DYM: variants seen among roughly 807,000 people sequenced by gnomAD.
DYM encodes dyggve-Melchior-Clausen syndrome protein.
DYM carries 78 observed loss-of-function variants against 93.1 expected under a neutral mutation model. That is an observed-to-expected ratio of 0.84 (90% confidence interval 0.70 to 1.01). The LOEUF (loss-of-function observed/expected upper bound fraction) is 1.01. Ranked by LOEUF, DYM falls within the 50% of genes least tolerant of loss-of-function variation. The pLI, the probability that DYM is intolerant of heterozygous loss-of-function variation, is 0.00. For missense variants in DYM, 789 were observed against 845.0 expected, an observed-to-expected ratio of 0.93 and a Z score of 0.82; for synonymous variants, 321 against 319.7, an observed-to-expected ratio of 1.00 and a Z score of -0.04.
At chr18:49,371,218 G>T (rs150705288) in intron 5 of DYM, among the ~76,000 whole-genome samples, 1 of 152,148 alleles carries the variant, frequency 6.6e-6, no homozygotes, top group Admixed American at 6.5e-5. Flanking sequence ...GATCAAACAA[G>T]GCTAAGTGTG....
intron 2 of DYM, among the ~76,000 whole-genome samples, chr18:49,408,382 C>T (rs1029935176): frequency 5.9e-5 from 9 of 152,184 alleles, no homozygotes; most frequent in African/African-American, 1.7e-4. Context: ...AATGTCTTTA[C>T]ACATGTCTCT....
intron 15 of DYM, among the ~76,000 whole-genome samples, chr18:49,147,919 G>A (rs376571876): frequency 6.4e-4 from 97 of 152,204 alleles, no homozygotes; most frequent in African/African-American, 2.0e-3. Context: ...CACTATTCAC[G>A]ATAGCAAAGA....
intron 15 of DYM, among the ~76,000 whole-genome samples, chr18:49,138,990 G>A (rs151017826): frequency 2.4e-4 from 37 of 152,202 alleles, no homozygotes; most frequent in Admixed American, 4.6e-4. Context: ...CAATCTCTCC[G>A]AGAGTTAGAC....
intron 17 of DYM, among the ~76,000 whole-genome samples, chr18:49,087,266 A>G (rs902356176): frequency 2.0e-5 from 3 of 152,226 alleles, no homozygotes; most frequent in Non-Finnish European, 4.4e-5. Context: ...TTATTTTGCT[A>G]CCAAAAAAAT....
intron 13 of DYM, among the ~76,000 whole-genome samples, chr18:49,227,037 C>A (rs564275687): frequency 6.6e-6 from 1 of 152,242 alleles, no homozygotes; most frequent in African/African-American, 2.4e-5. Context: ...AGTCCACACC[C>A]ATCTGTCTGC....
chr18:49,046,295 A>ATG (rs1378189462), intron 17 of DYM, among the ~76,000 whole-genome samples: 1 of 138,252 alleles, frequency 7.2e-6, no homozygotes, highest in East Asian at 2.3e-4. Context: ...ACACCCAGAC[A>ATG]TGCGCGCGCA....
chr18:49,332,532 C>G (rs2063383926), intron 7 of DYM, among the ~76,000 whole-genome samples: 1 of 152,000 alleles, frequency 6.6e-6, no homozygotes, highest in Non-Finnish European at 1.5e-5. Flanking sequence ...TAGAAAAAAG[C>G]AAGAATTTAA....
At chr18:49,443,547 CTT>C (rs2081849263) in intron 1 of DYM, among the ~76,000 whole-genome samples, 1 of 152,120 alleles carries the variant, frequency 6.6e-6, no homozygotes, top group Admixed American at 6.6e-5. Context: ...TGTCAAAGTA[CTT>C]TATTATGTAA....
intron 14 of DYM, among the ~76,000 whole-genome samples, chr18:49,180,025 T>C (rs528736644): frequency 2.1e-4 from 32 of 152,248 alleles, no homozygotes; most frequent in African/African-American, 7.2e-4. Context: ...TTTACTTTTG[T>C]ATAATAGATG....
Position 49,114,532 on chromosome 18 carries a change from C to T in DYM, c.1911+4212G>A, listed in dbSNP as rs940006121. On this transcript the variant is annotated intron_variant, in intron 16 of 17. Transcript: ENST00000675505. ...CAGTGAGGTCCTTTCTACTTCCTCA[C>T]CTCCACTCTGCTTTTCACTTCTTCC... 9 of 984,326 alleles carry T rather than the reference C, an allele frequency of 9.1e-6. No homozygotes were observed. In the African/African-American group the frequency reaches 1.6e-4, roughly 17 times the overall value. The allele number at this position is 984,326 out of a possible 1,614,324, so 61.0% of individuals were successfully genotyped here. A position where few individuals can be genotyped will look rare whatever the true frequency, so the allele number is the denominator to read the frequency against.
At chr18:49,290,710 A>G (rs1043942556) in intron 8 of DYM, among the ~76,000 whole-genome samples, 13 of 152,080 alleles carry the variant, frequency 8.5e-5, no homozygotes, top group Non-Finnish European at 5.9e-5. Context: ...GCAAATACAC[A>G]TATCTATGCA....
intron 15 of DYM, among the ~76,000 whole-genome samples, chr18:49,140,454 G>C (rs906797633): frequency 6.6e-6 from 1 of 152,126 alleles, no homozygotes; most frequent in African/African-American, 2.4e-5. Flanking sequence ...CCAGTGTTAT[G>C]ATGAGGCCAT....
chr18:49,160,197 C>T (rs564748224), intron 15 of DYM, among the ~76,000 whole-genome samples: 1 of 152,152 alleles, frequency 6.6e-6, no homozygotes, highest in Non-Finnish European at 1.5e-5. Flanking sequence ...TCTCTCCCCC[C>T]ACAGGCTTGA....
chr18:49,239,789 TTAGC>T (rs2093968962), intron 13 of DYM, among the ~76,000 whole-genome samples: 1 of 152,206 alleles, frequency 6.6e-6, no homozygotes, highest in Non-Finnish European at 1.5e-5. Context: ...AGAGAATCAG[TTAGC>T]TAAGCAATCA....
At chr18:49,321,524 T>A in intron 8 of DYM, 1 of 394,128 alleles carries the variant, frequency 2.5e-6, no homozygotes, top group Non-Finnish European at 4.5e-6. Flanking sequence ...CCAATGAATA[T>A]CATTTTTAAA....
chr18:49,329,904 T>C (rs1175213209), intron 8 of DYM, among the ~76,000 whole-genome samples: 1 of 152,234 alleles, frequency 6.6e-6, no homozygotes, highest in African/African-American at 2.4e-5. Context: ...AAGCCAATAG[T>C]AAAGTAAGAG....
chr18:49,388,826 G>A (rs1416923723), intron 3 of DYM, among the ~76,000 whole-genome samples: 2 of 150,632 alleles, frequency 1.3e-5, no homozygotes, highest in Admixed American at 6.6e-5. Context: ...TTTAAAGTAC[G>A]GAAAATAAAT....
intron 14 of DYM, among the ~76,000 whole-genome samples, chr18:49,168,021 TA>T (rs2088134829): frequency 6.6e-6 from 1 of 151,816 alleles, no homozygotes. Flanking sequence ...AGTAAAAAAA[TA>T]AGCAGGAATC....
intron 15 of DYM, among the ~76,000 whole-genome samples, chr18:49,141,274 T>G (rs1020604583): frequency 5.3e-5 from 8 of 152,216 alleles, no homozygotes; most frequent in African/African-American, 1.9e-4. Flanking sequence ...CCTCAACACT[T>G]AGCCCTTTAA....
Sources: gnomAD v4.1 joint callset for allele counts (sites outside exome capture counted in the v4.1 genomes callset) on GRCh38, gnomAD v4.1.1 for gene constraint, MANE v1.5 for transcripts, NCBI Gene and HGNC (gene_info 2026-07-23, HGNC 2026-07-21) for gene names.